The following SLC2A13 variants were observed in gnomAD, a reference collection of about 807,000 sequenced individuals.
SLC2A13 encodes solute carrier family 2 member 13.
SLC2A13 carries 32 observed loss-of-function variants against 64.4 expected under a neutral mutation model. The observed-to-expected ratio is 0.50, with a 90% CI of 0.37 to 0.67. SLC2A13 has a LOEUF of 0.67. Ranked by LOEUF, SLC2A13 falls within the 30% of genes least tolerant of loss-of-function variation. SLC2A13 has a pLI of 0.00. For synonymous variants in SLC2A13, 338 were observed against 327.1 expected, an observed-to-expected ratio of 1.03 and a Z score of -0.36; for missense variants, 743 against 829.2, an observed-to-expected ratio of 0.90 and a Z score of 1.28.
At chr12:40,072,832 A>G (rs1938016062) in intron 1 of SLC2A13, among the ~76,000 whole-genome samples, 1 of 152,114 alleles carries the variant, frequency 6.6e-6, no homozygotes, top group Non-Finnish European at 1.5e-5. Context: ...CTGCCTTTTA[A>G]TTGGTACATT....
At chr12:39,986,895 T>C (rs1326302707) in intron 3 of SLC2A13, among the ~76,000 whole-genome samples, 3 of 152,164 alleles carry the variant, frequency 2.0e-5, no homozygotes, top group Admixed American at 1.3e-4. Context: ...GCCTAGATTA[T>C]GACTGTGTAC....
intron 1 of SLC2A13, 98 bp from the exon 2 acceptor site, chr12:40,048,308 G>T: frequency 1.6e-6 from 2 of 1,244,726 alleles, no homozygotes; most frequent in Non-Finnish European, 2.2e-6. Flanking sequence ...ACATATATGG[G>T]CTTGGTTTTC....
intron 4 of SLC2A13, among the ~76,000 whole-genome samples, chr12:39,888,973 T>A (rs1944535320): frequency 6.6e-6 from 1 of 152,160 alleles, no homozygotes; most frequent in Non-Finnish European, 1.5e-5. Flanking sequence ...AAGTGTTTAC[T>A]TTATAAAAAT....
rs142071829 is a variant in SLC2A13 at position 40,053,101 on chromosome 12, T to C, written c.557-4891A>G. 7.3e-3 allele frequency among the ~76,000 whole-genome samples: 1,102 copies of C among 151,874 alleles called. 11 individuals are homozygous for C. Among genetic ancestry groups the C allele is most frequent in the African/African-American group, 0.025 (1,032 of 41,398 alleles). On this transcript the variant is annotated intron_variant, in intron 1 of 9. Coordinates refer to ENST00000280871, the MANE Select transcript of SLC2A13 (RefSeq NM_052885.4). Reference sequence around the variant, plus strand: ...ATTGAGACCATCCTGGCCAACATAGTGAAACCCTGTCTCTACTAAAATACA... The same window carrying C: ...ATTGAGACCATCCTGGCCAACATAGCGAAACCCTGTCTCTACTAAAATACA...
At chr12:40,034,136 C>T (rs1947943261) in intron 2 of SLC2A13, among the ~76,000 whole-genome samples, 1 of 152,204 alleles carries the variant, frequency 6.6e-6, no homozygotes, top group African/African-American at 2.4e-5. Context: ...TATTACACTA[C>T]ATTGTATTTT....
intron 4 of SLC2A13, among the ~76,000 whole-genome samples, chr12:39,902,187 T>G (rs1293318487): frequency 9.3e-6 from 1 of 107,416 alleles, no homozygotes; most frequent in Non-Finnish European, 1.8e-5. Flanking sequence ...CTCTGGGGAC[T>G]GTTGTGGGGT....
At chr12:39,838,614 A>G (rs934464056) in intron 6 of SLC2A13, among the ~76,000 whole-genome samples, 8 of 152,048 alleles carry the variant, frequency 5.3e-5, no homozygotes, top group Non-Finnish European at 1.0e-4. Context: ...AAATGCTTCC[A>G]ATTAAAGTAA....
At chr12:39,946,543 T>C (rs1946137084) in intron 4 of SLC2A13, among the ~76,000 whole-genome samples, 2 of 152,218 alleles carry the variant, frequency 1.3e-5, no homozygotes, top group Non-Finnish European at 2.9e-5. Context: ...CTGTGGCTGC[T>C]GTGGGGGTTG....
intron 4 of SLC2A13, among the ~76,000 whole-genome samples, chr12:39,897,739 T>C (rs1178559718): frequency 6.6e-6 from 1 of 152,140 alleles, no homozygotes; most frequent in African/African-American, 2.4e-5. Context: ...GTAGAGAAAC[T>C]TAGAAAACAA....
chr12:40,057,384 T>C (rs759253130), intron 1 of SLC2A13, among the ~76,000 whole-genome samples: 5 of 152,126 alleles, frequency 3.3e-5, no homozygotes, highest in Non-Finnish European at 4.4e-5. Flanking sequence ...TAAAAATTGA[T>C]TTAAAAAAAA....
chr12:39,835,308 A>G (rs545825531), intron 6 of SLC2A13, among the ~76,000 whole-genome samples: 38 of 152,204 alleles, frequency 2.5e-4, no homozygotes, highest in African/African-American at 8.9e-4. Context: ...AGAAATACCT[A>G]TGATCTAACC....
At chr12:40,097,959 G>C (rs1477546121) in intron 1 of SLC2A13, among the ~76,000 whole-genome samples, 2 of 152,006 alleles carry the variant, frequency 1.3e-5, no homozygotes, top group African/African-American at 4.8e-5. Flanking sequence ...ACAGCCAAGA[G>C]GGAGAGGCAA....
intron 7 of SLC2A13, among the ~76,000 whole-genome samples, chr12:39,813,654 G>A (rs1274461902): frequency 6.6e-6 from 1 of 152,132 alleles, no homozygotes; most frequent in African/African-American, 2.4e-5. Flanking sequence ...TTTGAATCAA[G>A]ATTCAAATAA....
At chr12:39,943,420 G>A (rs1279007725) in intron 4 of SLC2A13, among the ~76,000 whole-genome samples, 1 of 152,178 alleles carries the variant, frequency 6.6e-6, no homozygotes, top group Admixed American at 6.5e-5. Context: ...GCCCTGACTG[G>A]GGCTGCTGCC....
At chr12:39,957,320 T>C (rs1040758262) in intron 3 of SLC2A13, among the ~76,000 whole-genome samples, 2 of 152,234 alleles carry the variant, frequency 1.3e-5, no homozygotes, top group Non-Finnish European at 2.9e-5. Flanking sequence ...AATGCCAAGA[T>C]ATTTTGTATG....
At chr12:39,860,087 T>C (rs1943716355) in intron 6 of SLC2A13, among the ~76,000 whole-genome samples, 1 of 152,188 alleles carries the variant, frequency 6.6e-6, no homozygotes, top group South Asian at 2.1e-4. Context: ...ATATTAACAA[T>C]AACTCCTAAA....
chr12:39,961,751 T>A (rs1946417561), intron 3 of SLC2A13, among the ~76,000 whole-genome samples: 1 of 152,094 alleles, frequency 6.6e-6, no homozygotes, highest in Admixed American at 6.5e-5. Context: ...TCCTCCTGCC[T>A]CACCCTCCCA....
chr12:39,794,986 G>T (rs1002820258), intron 7 of SLC2A13, among the ~76,000 whole-genome samples: 2 of 152,122 alleles, frequency 1.3e-5, no homozygotes, highest in Non-Finnish European at 2.9e-5. Flanking sequence ...CTGTTCAGCA[G>T]TCTCATTCTA....
chr12:40,047,621 T>A (rs1592037614), intron 2 of SLC2A13, among the ~76,000 whole-genome samples: 1 of 152,234 alleles, frequency 6.6e-6, no homozygotes, highest in Non-Finnish European at 1.5e-5. Flanking sequence ...TATAGAGGTA[T>A]ATTTTTATCT....
Sources: allele counts gnomAD v4.1 joint callset (sites outside exome capture counted in the v4.1 genomes callset), GRCh38; gene constraint gnomAD v4.1.1; transcripts MANE v1.5; gene names NCBI Gene and HGNC (gene_info 2026-07-23, HGNC 2026-07-21).